Variants in LGSN observed in about 807,000 individuals in gnomAD.
LGSN encodes the protein lengsin.
A neutral mutation model predicts 19.5 loss-of-function variants in LGSN; 21 were observed. That is an observed-to-expected ratio of 1.07 (90% confidence interval 0.76 to 1.55). The LOEUF is 1.55. LGSN is among the 40% of genes most tolerant of loss of function. The pLI is 0.00. For synonymous variants in LGSN, 257 were observed against 215.6 expected, an observed-to-expected ratio of 1.19 and a Z score of -1.68; for missense variants, 673 against 608.5, an observed-to-expected ratio of 1.11 and a Z score of -1.12.
chr6:63,302,795 C>G (rs1228984144), intron 1 of LGSN, among the ~76,000 whole-genome samples: 1 of 152,152 alleles, frequency 6.6e-6, no homozygotes, highest in Non-Finnish European at 1.5e-5. Context: ...GGAGAGCTGC[C>G]TGGTCCTTCT....
chr6:63,489,274 T>G, the LGSN span, among the ~76,000 whole-genome samples: 4 of 152,248 alleles, frequency 2.6e-5, no homozygotes, highest in African/African-American at 9.6e-5. Flanking sequence ...GTAGCATTTA[T>G]TATACAATTT....
At chr6:63,567,841 C>G in the LGSN span, among the ~76,000 whole-genome samples, 1 of 152,212 alleles carries the variant, frequency 6.6e-6, no homozygotes, top group African/African-American at 2.4e-5. Context: ...GCTAAATCTT[C>G]TCAATAACTT....
chr6:63,417,405 T>C, the LGSN span, among the ~76,000 whole-genome samples: 1 of 152,174 alleles, frequency 6.6e-6, no homozygotes. Context: ...TTTTACTAAC[T>C]CTCCTATCTT....
chr6:63,346,845 C>T, the LGSN span, among the ~76,000 whole-genome samples: 2 of 152,144 alleles, frequency 1.3e-5, no homozygotes, highest in Admixed American at 6.6e-5. Flanking sequence ...AGTTAATGCT[C>T]GGTCATGCCT....
At chr6:63,376,688 C>T in the LGSN span, among the ~76,000 whole-genome samples, 1 of 152,176 alleles carries the variant, frequency 6.6e-6, no homozygotes, top group Non-Finnish European at 1.5e-5. Context: ...AGAAAGGAAT[C>T]ATCAGAGAAT....
the LGSN span, among the ~76,000 whole-genome samples, chr6:63,353,604 A>AAAAAAAAG: frequency 4.0e-5 from 6 of 151,382 alleles, no homozygotes; most frequent in South Asian, 1.2e-3. Flanking sequence ...AAAAAAAAAA[A>AAAAAAAAG]AAAGAAAAAA....
chr6:63,345,606 T>G, the LGSN span, among the ~76,000 whole-genome samples: 1 of 152,130 alleles, frequency 6.6e-6, no homozygotes, highest in South Asian at 2.1e-4. Context: ...TAACGATAGG[T>G]AGCAGATATC....
chr6:63,294,977 C>T lies in LGSN; in HGVS notation c.99G>A (p.Lys33=), dbSNP rs1446641829. ...NSMNTLRRTR[K]KVTKPYVCST... ...AACAAACATATGGTTTAGTGACTTT[C>T]TTCCTTGTCCTTCTTAATGTGTTCA... Residue 33 remains lysine, a synonymous_variant, in exon 2 of 4, where the codon AAG becomes AAA. Transcript: ENST00000370657. 1.2e-6 allele frequency: 2 copies of T among 1,613,618 alleles called. No homozygotes were observed. The highest frequency in any genetic ancestry group is 2.7e-5 in the African/African-American group (2 of 74,906).
chr6:63,322,711 T>G (rs1254996892), upstream of LGSN, among the ~76,000 whole-genome samples: 5 of 152,204 alleles, frequency 3.3e-5, no homozygotes, highest in African/African-American at 9.6e-5. Flanking sequence ...CCCATTTCTT[T>G]TCAGTTCTTC....
chr6:63,399,390 A>C, the LGSN span, among the ~76,000 whole-genome samples: 1 of 148,172 alleles, frequency 6.7e-6, no homozygotes. Context: ...ACACAACAGT[A>C]CTAATTTTTT....
chr6:63,531,607 ATCC>A, the LGSN span, among the ~76,000 whole-genome samples: 1,166 of 141,956 alleles, frequency 8.2e-3, 11 homozygotes, highest in African/African-American at 0.029. Flanking sequence ...TTCCTCTCTC[ATCC>A]TCCTGAGTAG....
chr6:63,378,160 G>C, the LGSN span, among the ~76,000 whole-genome samples: 1 of 152,054 alleles, frequency 6.6e-6, no homozygotes. Flanking sequence ...TTTCAGTTTA[G>C]CTGCAGCATC....
Position 63,285,722 on chromosome 6 carries a change from G to A in LGSN, c.195C>T (p.Thr65=). The A allele has an allele frequency of 6.2e-7, 1 of 1,613,528 alleles. No homozygotes were observed. Among genetic ancestry groups the A allele is most frequent in the East Asian group, 2.2e-5 (1 of 44,858 alleles). ...TCATTCTAGAAGAGAGTTGAGGTGG[G>A]GTCAAAATTTGACTGCTGTCCCTCA... ...DCMRDSSQIL[T]PPQLSSRMKH... Residue 65 remains threonine, a synonymous_variant, in exon 3 of 4, where the codon ACC becomes ACT. Transcript: ENST00000370657.
chr6:63,491,445 A>ACT, the LGSN span, among the ~76,000 whole-genome samples: 7 of 151,578 alleles, frequency 4.6e-5, no homozygotes, highest in East Asian at 1.2e-3. Flanking sequence ...ATTCTAAAGG[A>ACT]GATCCAAAGG....
At chr6:63,523,205 T>C in the LGSN span, among the ~76,000 whole-genome samples, 2 of 152,062 alleles carry the variant, frequency 1.3e-5, no homozygotes, top group East Asian at 3.9e-4. Context: ...CTCTTACGAG[T>C]CATCAAAAAC....
chr6:63,573,605 T>G, the LGSN span: 12 of 152,174 alleles, frequency 7.9e-5, 1 homozygote. Context: ...CAGAGTGGGG[T>G]TCTGCTAGGT....
At chr6:63,548,046 C>A in the LGSN span, among the ~76,000 whole-genome samples, 1 of 152,138 alleles carries the variant, frequency 6.6e-6, no homozygotes, top group Non-Finnish European at 1.5e-5. Context: ...TTCTTTTCTG[C>A]CCACATCCCC....
chr6:63,284,124 T>C lies in LGSN; in HGVS notation c.330+1463A>G, dbSNP rs537669979. ...TACCTTCACAAGTTTCAAAAATAAA[T>C]TTAAAGTGGCTTCTTAAAAAAATAT... is the stretch of plus-strand genomic sequence containing the variant. On this transcript the variant is annotated intron_variant, in intron 3 of 3. Transcript: ENST00000370657. Among the ~76,000 whole-genome samples, 6 of 152,290 alleles carry C rather than the reference T, an allele frequency of 3.9e-5. No homozygotes were observed. In the South Asian group the frequency reaches 1.2e-3, roughly 32 times the overall value.
At chr6:63,507,767 G>A in the LGSN span, among the ~76,000 whole-genome samples, 1 of 152,062 alleles carries the variant, frequency 6.6e-6, no homozygotes, top group Admixed American at 6.6e-5. Flanking sequence ...GTTTCTTACA[G>A]CCAAAGAACC....
Sources: gnomAD v4.1 joint callset for allele counts (sites outside exome capture counted in the v4.1 genomes callset) on GRCh38, gnomAD v4.1.1 for gene constraint, MANE v1.5 for transcripts, NCBI Gene and HGNC (gene_info 2026-07-23, HGNC 2026-07-21) for gene names.